Variants in CORO2B observed in about 807,000 individuals in gnomAD.
CORO2B encodes coronin 2B, also known as coronin-2B.
CORO2B carries 26 observed loss-of-function variants against 58.8 expected under a neutral mutation model. The ratio of observed to expected loss-of-function variants is 0.44; its 90% CI spans 0.32 to 0.61. CORO2B has a LOEUF of 0.61. CORO2B is among the 20% of genes least tolerant of loss of function. CORO2B has a pLI of 0.04. For synonymous variants in CORO2B, 242 were observed against 253.8 expected, an observed-to-expected ratio of 0.95 and a Z score of 0.44; for missense variants, 460 against 645.1, an observed-to-expected ratio of 0.71 and a Z score of 3.11.
chr15:68,680,231 C>G (rs936353214), intron 2 of CORO2B, among the ~76,000 whole-genome samples: 3 of 152,034 alleles, frequency 2.0e-5, no homozygotes, highest in Non-Finnish European at 4.4e-5. Context: ...GTCATTTGAT[C>G]CTGAATATAG....
intron 1 of CORO2B, among the ~76,000 whole-genome samples, chr15:68,606,718 G>A (rs1025679388): frequency 1.3e-5 from 2 of 152,090 alleles, no homozygotes; most frequent in African/African-American, 4.8e-5. Flanking sequence ...TTTGAAACTG[G>A]GACAGGCACA....
chr15:68,528,129 C>A, the CORO2B span, among the ~76,000 whole-genome samples: 1 of 151,976 alleles, frequency 6.6e-6, no homozygotes, highest in African/African-American at 2.4e-5. Flanking sequence ...TCTTTTATTT[C>A]TTTTTCTTGC....
chr15:68,549,146 A>C, the CORO2B span, among the ~76,000 whole-genome samples: 1 of 152,250 alleles, frequency 6.6e-6, no homozygotes, highest in African/African-American at 2.4e-5. Flanking sequence ...TGTCAAGAAG[A>C]GGAGAAAATC....
the CORO2B span, among the ~76,000 whole-genome samples, chr15:68,571,885 G>C: frequency 6.6e-6 from 1 of 152,258 alleles, no homozygotes; most frequent in East Asian, 1.9e-4. Flanking sequence ...GGTGGTAAGG[G>C]CTGGGAGCTC....
At chr15:68,625,464 C>G (rs1219276224) in intron 1 of CORO2B, among the ~76,000 whole-genome samples, 2 of 152,130 alleles carry the variant, frequency 1.3e-5, no homozygotes, top group Admixed American at 1.3e-4. Context: ...CCTCCCACCC[C>G]CAGGCCTTGC....
intron 1 of CORO2B, among the ~76,000 whole-genome samples, chr15:68,609,999 C>T (rs1443038087): frequency 1.3e-5 from 2 of 152,228 alleles, no homozygotes; most frequent in Admixed American, 6.5e-5. Context: ...ACCCACCCTC[C>T]TTCTCTTGAT....
At chr15:68,553,234 C>T in the CORO2B span, among the ~76,000 whole-genome samples, 222 of 152,308 alleles carry the variant, frequency 1.5e-3, no homozygotes, top group Middle Eastern at 0.01. Context: ...CAAAGGTGTC[C>T]TTGTCCTAAT....
chr15:68,671,812 G>A (rs1288209212), intron 2 of CORO2B, among the ~76,000 whole-genome samples: 1 of 152,208 alleles, frequency 6.6e-6, no homozygotes, highest in Non-Finnish European at 1.5e-5. Flanking sequence ...GGAATCTTGT[G>A]TAACCCTGGC....
intron 2 of CORO2B, among the ~76,000 whole-genome samples, chr15:68,663,449 G>C (rs148551762): frequency 1.3e-5 from 2 of 152,124 alleles, no homozygotes; most frequent in Non-Finnish European, 2.9e-5. Flanking sequence ...GAAGAGGTAC[G>C]TGCTTTCTTC....
chr15:68,536,172 T>C, the CORO2B span, among the ~76,000 whole-genome samples: 4 of 152,158 alleles, frequency 2.6e-5, no homozygotes, highest in African/African-American at 9.7e-5. Flanking sequence ...TACAAGAATA[T>C]TGTGTGAGTC....
intron 1 of CORO2B, among the ~76,000 whole-genome samples, chr15:68,622,821 A>G (rs1291246470): frequency 6.6e-6 from 1 of 152,236 alleles, no homozygotes; most frequent in Non-Finnish European, 1.5e-5. Context: ...CACCCCTGTG[A>G]GGCAGGCAGA....
rs1294798280 is a variant in CORO2B, at chr15:68,610,779, G to A, written c.15+31502G>A. On this transcript the variant is annotated intron_variant, in intron 1 of 11. Transcript: ENST00000261861. ...TGAGGCAGGTTTGGGAGGCCAATAG[G>A]GCATCAGGCCAGTCCAGAATATTCA... Among the ~76,000 whole-genome samples the A allele has an allele frequency of 5.0e-4, 76 of 152,220 alleles. 2 individuals are homozygous for A. Among genetic ancestry groups the A allele is most frequent in the Non-Finnish European group, 4.4e-5 (3 of 68,020 alleles).
intron 1 of CORO2B, among the ~76,000 whole-genome samples, chr15:68,595,002 G>T (rs959597049): frequency 6.6e-6 from 1 of 152,194 alleles, no homozygotes; most frequent in Non-Finnish European, 1.5e-5. Context: ...AGTTCTAGCT[G>T]TCCGTGCAGT....
At chr15:68,641,557 G>A (rs940114443) in intron 1 of CORO2B, 12 of 985,200 alleles carry the variant, frequency 1.2e-5, no homozygotes, top group Admixed American at 6.2e-5. Flanking sequence ...CAGAAACTGC[G>A]GGCCGCTGAG....
rs78006332 is a variant in CORO2B at position 68,667,839 on chromosome 15, T to C, written c.216+22479T>C. Among the ~76,000 whole-genome samples, 512 of 152,266 alleles carry C rather than the reference T, an allele frequency of 3.4e-3. 19 individuals are homozygous for C. The East Asian group carries it at 0.089, about 26-fold the overall frequency. On this transcript the variant is annotated intron_variant, in intron 2 of 11. Coordinates refer to ENST00000261861, the MANE Select transcript of CORO2B (RefSeq NM_006091.5). Reference sequence around the variant, plus strand: ...GACCAGTTACTTCCATCTCTGGAAATAGAATATGGGGCAGTGAAGACCATG... The same window carrying C: ...GACCAGTTACTTCCATCTCTGGAAACAGAATATGGGGCAGTGAAGACCATG...
intron 10 of CORO2B, 86 bp downstream of exon 10, chr15:68,719,320 C>T (rs1409619720): frequency 1.9e-6 from 3 of 1,599,238 alleles, no homozygotes; most frequent in African/African-American, 1.3e-5. Flanking sequence ...TTGTCTGTCC[C>T]CCTGTTTGAA....
intron 1 of CORO2B, among the ~76,000 whole-genome samples, chr15:68,627,354 T>C (rs576923325): frequency 1.3e-5 from 2 of 152,306 alleles, no homozygotes; most frequent in Non-Finnish European, 2.9e-5. Flanking sequence ...CAACTTGCCC[T>C]CAGTGCCTGA....
At chr15:68,599,994 G>A (rs1276279815) in intron 1 of CORO2B, among the ~76,000 whole-genome samples, 1 of 152,162 alleles carries the variant, frequency 6.6e-6, no homozygotes. Context: ...TGTCCCTGCT[G>A]CTTGGGGTAG....
intron 1 of CORO2B, among the ~76,000 whole-genome samples, chr15:68,639,820 C>T (rs11633874): frequency 0.41 from 62,912 of 152,100 alleles, 14,354 homozygotes; most frequent in East Asian, 0.54. Context: ...ACCAATATGT[C>T]CCAGTCTTGC....
Sources: allele counts gnomAD v4.1 joint callset (sites outside exome capture counted in the v4.1 genomes callset), GRCh38; gene constraint gnomAD v4.1.1; transcripts MANE v1.5; gene names NCBI Gene and HGNC (gene_info 2026-07-23, HGNC 2026-07-21).